SLC9D1: variants seen among roughly 807,000 people sequenced by gnomAD.
SLC9D1 encodes the protein putative LAG1-interacting protein.
the SLC9D1 span, chr13:113,529,818 T>A: frequency 6.6e-6 from 1 of 152,154 alleles, no homozygotes; most frequent in African/African-American, 2.4e-5. Context: ...GTGATGGGGG[T>A]ACAACAGTGT....
chr13:113,491,554 C>T, the SLC9D1 span, among the ~76,000 whole-genome samples: 1 of 152,174 alleles, frequency 6.6e-6, no homozygotes, highest in Non-Finnish European at 1.5e-5. Context: ...CCTCCCCTCT[C>T]TCTCTCCTCG....
the SLC9D1 span, chr13:113,491,031 G>C: frequency 6.2e-6 from 1 of 161,506 alleles, no homozygotes; most frequent in African/African-American, 2.4e-5. Flanking sequence ...GGGAGTCCGG[G>C]TCGGCTTGGC....
At chr13:113,503,371 GTGTGTGTGTGTGTA>G in the SLC9D1 span, 1 of 627,964 alleles carries the variant, frequency 1.6e-6, no homozygotes, top group Non-Finnish European at 2.8e-6. Flanking sequence ...GTGTGTGTGT[GTGTGTGTGTGTGTA>G]TGTGTGTTTT....
the SLC9D1 span, among the ~76,000 whole-genome samples, chr13:113,521,663 G>A: frequency 6.6e-5 from 10 of 152,030 alleles, no homozygotes; most frequent in Admixed American, 1.3e-4. Context: ...ATTGCCAAAC[G>A]TAAACTGCAC....
the SLC9D1 span, among the ~76,000 whole-genome samples, chr13:113,542,346 C>T: frequency 7.8e-4 from 91 of 116,052 alleles, no homozygotes; most frequent in Middle Eastern, 5.3e-3. Context: ...TTATTACCGC[C>T]GAGATGTGTG....
chr13:113,526,754 G>A, the SLC9D1 span, among the ~76,000 whole-genome samples: 14 of 152,170 alleles, frequency 9.2e-5, no homozygotes, highest in Non-Finnish European at 1.3e-4. Flanking sequence ...CGCCTGTGGC[G>A]TCTGCCGTGG....
the SLC9D1 span, among the ~76,000 whole-genome samples, chr13:113,533,319 C>T: frequency 3.3e-5 from 5 of 152,054 alleles, no homozygotes; most frequent in South Asian, 2.1e-4. Flanking sequence ...TGTGGTTCCC[C>T]GAAGGAATCA....
chr13:113,543,742 G>A, the SLC9D1 span, among the ~76,000 whole-genome samples: 1 of 150,836 alleles, frequency 6.6e-6, no homozygotes, highest in East Asian at 2.0e-4. Flanking sequence ...GAGTGTGCAT[G>A]TCTGAGAGCT....
chr13:113,509,256 TCTATGTTGGGACTG>T, the SLC9D1 span, among the ~76,000 whole-genome samples: 228 of 110,210 alleles, frequency 2.1e-3, 3 homozygotes, highest in African/African-American at 4.7e-3. Flanking sequence ...GCGCTGCCTG[TCTATGTTGGGACTG>T]GTGGGCTTGG....
At chr13:113,496,077 A>T in the SLC9D1 span, 4 of 1,282,376 alleles carry the variant, frequency 3.1e-6, no homozygotes, top group Non-Finnish European at 4.3e-6. Context: ...AGAGAGGTGA[A>T]GAGAGAGGGA....
At chr13:113,503,348 TGTGTG>T in the SLC9D1 span, 1 of 72,742 alleles carries the variant, frequency 1.4e-5, no homozygotes, top group Admixed American at 4.4e-4. Flanking sequence ...TGTGTGATTG[TGTGTG>T]TGTGTGTGTG....
chr13:113,520,915 C>T, the SLC9D1 span, among the ~76,000 whole-genome samples: 3,849 of 152,278 alleles, frequency 0.025, 98 homozygotes, highest in East Asian at 0.12. Context: ...CTCCTCACCA[C>T]GGGCAGGTGA....
the SLC9D1 span, among the ~76,000 whole-genome samples, chr13:113,531,627 G>A: frequency 4.0e-5 from 6 of 151,558 alleles, no homozygotes; most frequent in East Asian, 9.8e-4. Context: ...AGGTGGCACG[G>A]CGCCCCGTAC....
At chr13:113,503,397 G>T in the SLC9D1 span, 50 of 665,698 alleles carry the variant, frequency 7.5e-5, no homozygotes, top group Non-Finnish European at 1.1e-4. Flanking sequence ...GTGTGTTTTG[G>T]ATACTTCCAC....
chr13:113,506,761 T>C, the SLC9D1 span, among the ~76,000 whole-genome samples: 174 of 152,276 alleles, frequency 1.1e-3, no homozygotes, highest in Middle Eastern at 3.4e-3. Context: ...TGCATTTTCA[T>C]AGTTTGTATT....
the SLC9D1 span, among the ~76,000 whole-genome samples, chr13:113,519,897 C>T: frequency 6.6e-6 from 1 of 152,244 alleles, no homozygotes; most frequent in African/African-American, 2.4e-5. Context: ...ACGTGGAACA[C>T]ACCACGTGAC....
At chr13:113,529,598 T>G in the SLC9D1 span, 1 of 151,626 alleles carries the variant, frequency 6.6e-6, no homozygotes, top group Non-Finnish European at 1.5e-5. Flanking sequence ...TGCAGTGAGC[T>G]GAGATCACGA....
chr13:113,543,915 A>G, the SLC9D1 span, among the ~76,000 whole-genome samples: 2 of 152,044 alleles, frequency 1.3e-5, no homozygotes, highest in Admixed American at 1.3e-4. Flanking sequence ...ATTCAAGTTA[A>G]TTTTTCTGCC....
At chr13:113,542,875 GCA>G in the SLC9D1 span, among the ~76,000 whole-genome samples, 3 of 152,130 alleles carry the variant, frequency 2.0e-5, no homozygotes, top group African/African-American at 7.2e-5. Context: ...CCTGAAAGCA[GCA>G]CAGAGTTGGG....
Sources: gnomAD v4.1 joint callset for allele counts (sites outside exome capture counted in the v4.1 genomes callset) on GRCh38, gnomAD v4.1.1 for gene constraint, MANE v1.5 for transcripts, NCBI Gene and HGNC (gene_info 2026-07-23, HGNC 2026-07-21) for gene names.